VRK1: variants seen among roughly 807,000 people sequenced by gnomAD.
The protein encoded by VRK1 is VRK serine/threonine kinase 1, also known as serine/threonine-protein kinase VRK1.
A neutral mutation model predicts 57.1 loss-of-function variants in VRK1; 33 were observed. The observed-to-expected ratio is 0.58, with a 90% CI of 0.44 to 0.77. The LOEUF is 0.77. VRK1 is among the 30% of genes least tolerant of loss of function. The pLI, the probability that VRK1 is intolerant of heterozygous loss-of-function variation, is 0.00. For missense variants in VRK1, 413 were observed against 477.3 expected (o/e 0.87, Z 1.25); for synonymous variants, 137 against 147.8 (o/e 0.93, Z 0.53).
At chr14:96,845,984 C>CA in intron 3 of VRK1, 111 bp from the exon 4 acceptor site, 4 of 1,006,244 alleles carry the variant, frequency 4.0e-6, no homozygotes, top group Non-Finnish European at 6.2e-6. Flanking sequence ...ACTTAAGTAT[C>CA]AAAATTACAT....
At position 96,853,163 on chromosome 14, in the gene VRK1, C is replaced by G; in HGVS notation, c.573C>G (p.Asp191Glu). ...TTCTTCTGAACTACAAGAATCCTGA[C>G]CAGGTAGTTTTATAACTTTAATTTC... ...SNLLLNYKNPDQVYLVDYGLA... is the reference protein window; with the variant it reads ...SNLLLNYKNPEQVYLVDYGLA... Residue 191 changes from aspartate (D) to glutamate (E), a missense_variant, in exon 7 of 13, where the codon GAC becomes GAG. This residue lies in a region of VRK1 where 151 missense variants were observed against 225.5 expected (regional missense o/e 0.67). Transcript: ENST00000216639. 6.2e-7 allele frequency: 1 copy of G among 1,612,000 alleles called. No individual in the cohort carries two copies. The highest frequency in any genetic ancestry group is 8.5e-7 in the Non-Finnish European group (1 of 1,178,458).
At chr14:96,869,226 T>C (rs1888716227) in intron 11 of VRK1, among the ~76,000 whole-genome samples, 1 of 152,232 alleles carries the variant, frequency 6.6e-6, no homozygotes, top group South Asian at 2.1e-4. Context: ...ACATAGCAAG[T>C]GACCAGTAAA....
intron 11 of VRK1, among the ~76,000 whole-genome samples, chr14:96,866,548 A>G (rs186084359): frequency 6.1e-4 from 93 of 152,206 alleles, no homozygotes; most frequent in Admixed American, 6.1e-3. Flanking sequence ...AGTGATTTTG[A>G]TTATTCTGCC....
At chr14:96,841,607 C>G (rs757292287) in intron 3 of VRK1, among the ~76,000 whole-genome samples, 1 of 152,086 alleles carries the variant, frequency 6.6e-6, no homozygotes, top group Non-Finnish European at 1.5e-5. Flanking sequence ...ATCATAATCC[C>G]AACACTTCGA....
At chr14:96,856,466 T>G in intron 9 of VRK1, 62 bp from the exon 10 acceptor site, 1 of 1,462,854 alleles carries the variant, frequency 6.8e-7, no homozygotes, top group South Asian at 1.2e-5. Flanking sequence ...GTGCTATATA[T>G]TTTTATTTCA....
chr14:96,807,923 CTCTG>C (rs1885945491), intron 1 of VRK1, among the ~76,000 whole-genome samples: 1 of 152,026 alleles, frequency 6.6e-6, no homozygotes. Flanking sequence ...AAGTCACTCT[CTCTG>C]TCTCTCTCTT....
intron 1 of VRK1, among the ~76,000 whole-genome samples, chr14:96,802,089 T>G (rs186538851): frequency 4.2e-4 from 64 of 152,386 alleles, no homozygotes; most frequent in African/African-American, 1.5e-3. Flanking sequence ...AGTTTAATCT[T>G]GTTTTTTCAG....
intron 1 of VRK1, among the ~76,000 whole-genome samples, chr14:96,830,133 A>G (rs963487727): frequency 6.6e-6 from 1 of 152,162 alleles, no homozygotes; most frequent in Non-Finnish European, 1.5e-5. Flanking sequence ...CAGATGCTCA[A>G]AAAGTATTTT....
In VRK1 at chr14:96,845,962, A is replaced by T. The variant is rs1757467183; in HGVS notation, c.217-133A>T. On this transcript the variant is annotated intron_variant, in intron 3 of 12. Transcript: ENST00000216639. The stretch of plus-strand genomic sequence containing the variant: ...TTCTAAGGAGTTTGACTTAATCTTA[A>T]CACAGTTATAAACTTAAGTATCAAA... 7.5e-6 allele frequency: 6 copies of T among 795,024 alleles called. No homozygotes were observed. The South Asian group carries it at 7.8e-5, about 10-fold the overall frequency. 49.2% of individuals were successfully genotyped at this position (795,024 alleles called of 1,614,324 possible). A position where few individuals can be genotyped will look rare whatever the true frequency, so the allele number is the denominator to read the frequency against.
intron 12 of VRK1, chr14:96,877,582 G>T (rs758701052): frequency 4.4e-5 from 57 of 1,289,250 alleles, no homozygotes; most frequent in Non-Finnish European, 5.5e-5. Flanking sequence ...CAGTGAGTGG[G>T]AACAAAATTA....
chr14:96,845,104 T>C (rs890806571), intron 3 of VRK1, among the ~76,000 whole-genome samples: 4 of 152,142 alleles, frequency 2.6e-5, no homozygotes, highest in African/African-American at 9.7e-5. Flanking sequence ...AACCAAGATA[T>C]TCTGCCCAAA....
chr14:96,869,447 A>G (rs1039035071), intron 11 of VRK1, among the ~76,000 whole-genome samples: 1 of 152,220 alleles, frequency 6.6e-6, no homozygotes, highest in Non-Finnish European at 1.5e-5. Context: ...AGACTGGGTT[A>G]TATTTTACTT....
intron 5 of VRK1, among the ~76,000 whole-genome samples, chr14:96,848,276 G>A (rs868007421): frequency 2.0e-5 from 3 of 152,128 alleles, no homozygotes; most frequent in Admixed American, 2.0e-4. Context: ...GGTATCTATC[G>A]TGTGTTGTGA....
At chr14:96,856,685 G>C in intron 10 of VRK1, 99 bp downstream of exon 10, 1 of 1,083,990 alleles carries the variant, frequency 9.2e-7, no homozygotes, top group Non-Finnish European at 1.4e-6. Flanking sequence ...ATGTTAGGTG[G>C]TGGCCAGGCA....
At chr14:96,823,928 A>G (rs1595653053) in intron 1 of VRK1, among the ~76,000 whole-genome samples, 1 of 152,308 alleles carries the variant, frequency 6.6e-6, no homozygotes, top group Non-Finnish European at 1.5e-5. Context: ...TCATCTGTTA[A>G]TGGACACTCA....
intron 1 of VRK1, among the ~76,000 whole-genome samples, chr14:96,815,854 C>T (rs915908969): frequency 6.6e-6 from 1 of 151,788 alleles, no homozygotes; most frequent in Non-Finnish European, 1.5e-5. Flanking sequence ...TCTGCTATTG[C>T]ACTCAGCCTG....
At chr14:96,821,697 T>C (rs1055477953) in intron 1 of VRK1, among the ~76,000 whole-genome samples, 1 of 152,204 alleles carries the variant, frequency 6.6e-6, no homozygotes, top group Non-Finnish European at 1.5e-5. Flanking sequence ...TGTACACTCC[T>C]CTGCTCAAGA....
chr14:96,813,935 C>T (rs1222653675), intron 1 of VRK1, among the ~76,000 whole-genome samples: 1 of 152,048 alleles, frequency 6.6e-6, no homozygotes, highest in African/African-American at 2.4e-5. Flanking sequence ...ATGATACAGT[C>T]AGTATCATTA....
intron 1 of VRK1, among the ~76,000 whole-genome samples, chr14:96,806,606 C>T (rs964240508): frequency 1.4e-4 from 21 of 152,138 alleles, no homozygotes; most frequent in Admixed American, 6.6e-5. Flanking sequence ...AGCATCAAAT[C>T]AAGGTAAAAT....
Sources: allele counts gnomAD v4.1 joint callset (sites outside exome capture counted in the v4.1 genomes callset), GRCh38; gene constraint gnomAD v4.1.1; regional missense constraint gnomAD v4.1.1; transcripts MANE v1.5; gene names NCBI Gene and HGNC (gene_info 2026-07-23, HGNC 2026-07-21).